Variants in NIPAL2 observed in about 807,000 individuals in gnomAD.
NIPAL2 encodes the protein NIPA like domain containing 2.
NIPAL2 carries 43 observed loss-of-function variants against 48.9 expected under a neutral mutation model. That is an observed-to-expected ratio of 0.88 (90% CI 0.69 to 1.13). NIPAL2 has a LOEUF of 1.13. Among genes scored for constraint, NIPAL2 ranks in the 50% most tolerant of loss-of-function variants. The pLI is 0.00. For synonymous variants in NIPAL2, 167 were observed against 174.6 expected, an observed-to-expected ratio of 0.96 and a Z score of 0.34; for missense variants, 446 against 461.4, an observed-to-expected ratio of 0.97 and a Z score of 0.31.
chr8:98,211,733 A>AGAGTGTGTGTGTGTGTGT (rs1554562908), intron 6 of NIPAL2, among the ~76,000 whole-genome samples: 1 of 109,104 alleles, frequency 9.2e-6, no homozygotes, highest in African/African-American at 3.9e-5. Flanking sequence ...AGAGAGAGAA[A>AGAGTGTGTGTGTGTGTGT]GTGTGTGTGT....
At chr8:98,291,594 T>G (rs1816491492) in intron 1 of NIPAL2, among the ~76,000 whole-genome samples, 1 of 152,264 alleles carries the variant, frequency 6.6e-6, no homozygotes, top group Non-Finnish European at 1.5e-5. Flanking sequence ...GTTTGGGTTT[T>G]GCACTATATT....
At position 98,206,316 on chromosome 8, in the gene NIPAL2, G is replaced by GTGTATATA. The variant is rs138475191; in HGVS notation, c.656-1071_656-1070insTATATACA. On this transcript the variant is annotated intron_variant, in intron 6 of 10. Coordinates refer to ENST00000430223, the MANE Select transcript of NIPAL2 (RefSeq NM_001321635.2). ...AGGTATTTTATGTATGTGTGTGTGT[G>GTGTATATA]TATATATATATATGTATGTATGTAT... is the stretch of plus-strand genomic sequence containing the variant. 1.5e-3 allele frequency among the ~76,000 whole-genome samples: 227 copies of GTGTATATA among 147,662 alleles called. 1 individual carries two copies. The highest frequency in any genetic ancestry group is 5.5e-3 in the African/African-American group (214 of 38,566).
chr8:98,291,343 C>G (rs1479251338), intron 1 of NIPAL2, among the ~76,000 whole-genome samples: 2 of 152,188 alleles, frequency 1.3e-5, no homozygotes, highest in Non-Finnish European at 2.9e-5. Context: ...AAGCTTTTTC[C>G]TTTCCTGCAG....
chr8:98,255,226 C>T (rs1257076239), intron 1 of NIPAL2, among the ~76,000 whole-genome samples: 1 of 152,170 alleles, frequency 6.6e-6, no homozygotes, highest in African/African-American at 2.4e-5. Context: ...TCATAGATAG[C>T]TCATGTATTA....
chr8:98,218,624 G>T (rs1319512918), intron 5 of NIPAL2, among the ~76,000 whole-genome samples: 1 of 152,188 alleles, frequency 6.6e-6, no homozygotes, highest in Non-Finnish European at 1.5e-5. Flanking sequence ...AATAGGCAGG[G>T]CACTATGACT....
At chr8:98,281,512 A>AT (rs1815829534) in intron 1 of NIPAL2, among the ~76,000 whole-genome samples, 1 of 152,222 alleles carries the variant, frequency 6.6e-6, no homozygotes, top group Non-Finnish European at 1.5e-5. Context: ...TTGTAACGCA[A>AT]TTATAAAAGC....
At chr8:98,244,591 T>TGGGCTGTGGTGATGAGAGGGG (rs1813198698) in intron 3 of NIPAL2, among the ~76,000 whole-genome samples, 1 of 28,558 alleles carries the variant, frequency 3.5e-5, no homozygotes. Flanking sequence ...GATGAGAGGG[T>TGGGCTGTGGTGATGAGAGGGG]GGGCTGTGGT....
rs1291380149 is a variant in NIPAL2 at position 98,193,115 on chromosome 8, A to G, written c.1040-25T>C. On this transcript the variant is annotated intron_variant, in intron 10 of 10. Transcript: ENST00000430223. ...CCTGTGGAGATAATAATCATAGAGAATCTTTTGAGGTCTTACAGAAAAATA... is the reference window on the plus strand; with the variant it reads ...CCTGTGGAGATAATAATCATAGAGAGTCTTTTGAGGTCTTACAGAAAAATA... The G allele has an allele frequency of 2.6e-6, 4 of 1,554,470 alleles. No individual in the cohort carries two copies. The African/African-American group carries it at 5.4e-5, about 21-fold the overall frequency.
intron 6 of NIPAL2, among the ~76,000 whole-genome samples, chr8:98,208,115 G>A (rs1811125630): frequency 6.6e-6 from 1 of 152,160 alleles, no homozygotes; most frequent in African/African-American, 2.4e-5. Flanking sequence ...ACACTCTGTT[G>A]TACAGTGCTC....
chr8:98,262,624 TA>T (rs1485962469), intron 1 of NIPAL2, among the ~76,000 whole-genome samples: 1 of 150,428 alleles, frequency 6.6e-6, no homozygotes, highest in African/African-American at 2.4e-5. Context: ...CCCAGATTCA[TA>T]AAGCAAGTCC....
intron 3 of NIPAL2, among the ~76,000 whole-genome samples, chr8:98,240,236 A>G (rs1250061450): frequency 6.6e-6 from 1 of 152,202 alleles, no homozygotes; most frequent in Admixed American, 6.5e-5. Context: ...AGACTCATGA[A>G]TGCTTTTCCC....
intron 5 of NIPAL2, among the ~76,000 whole-genome samples, chr8:98,213,614 T>G (rs930495856): frequency 9.9e-5 from 15 of 152,172 alleles, no homozygotes; most frequent in Admixed American, 9.2e-4. Flanking sequence ...ATTCTTTTTT[T>G]TTTTCCTAGT....
chr8:98,192,911 T>C lies in NIPAL2; in HGVS notation c.*67A>G. On this transcript the variant is annotated 3_prime_UTR_variant, in exon 11 of 11. Coordinates refer to ENST00000430223, the MANE Select transcript of NIPAL2 (RefSeq NM_001321635.2). ...CTTATAAAAGAGCTGCTGACACAAATTGAACATGTGCAATTTTTTAAAAAG... is the reference window on the plus strand; with the variant it reads ...CTTATAAAAGAGCTGCTGACACAAACTGAACATGTGCAATTTTTTAAAAAG... The C allele has an allele frequency of 1.0e-6, 1 of 957,662 alleles. No homozygotes were observed. The highest frequency in any genetic ancestry group is 2.1e-4 in the Middle Eastern group (1 of 4,814). 59.3% of individuals were successfully genotyped at this position (957,662 alleles called of 1,614,324 possible).
intron 1 of NIPAL2, among the ~76,000 whole-genome samples, chr8:98,254,396 A>G (rs1007032580): frequency 6.6e-6 from 1 of 152,182 alleles, no homozygotes; most frequent in African/African-American, 2.4e-5. Context: ...CTTCTTACGT[A>G]TCCTTTCTTT....
chr8:98,233,710 A>T (rs2130784602), intron 4 of NIPAL2, among the ~76,000 whole-genome samples: 1 of 152,382 alleles, frequency 6.6e-6, no homozygotes, highest in South Asian at 2.1e-4. Context: ...TAAGTATATA[A>T]GAAAATAAAC....
Position 98,252,525 on chromosome 8 carries a change from A to C in NIPAL2, c.314T>G (p.Phe105Cys). 1 of 1,614,016 alleles carries C rather than the reference A, an allele frequency of 6.2e-7. No individual in the cohort carries two copies. Among genetic ancestry groups the C allele is most frequent in the Non-Finnish European group, 8.5e-7 (1 of 1,179,994 alleles). ...AATGGGAGCAAATCCATAGGCTGCA[A>C]AGTTCCCCGTCTCTCCCACGGCCAT... ...LLMAVGETGNFAAYGFAPITL... is the reference protein window; with the variant it reads ...LLMAVGETGNCAAYGFAPITL... Residue 105 changes from phenylalanine to cysteine, a missense_variant, in exon 3 of 11, where the codon TTT (phenylalanine) becomes TGT (cysteine). Coordinates refer to ENST00000430223, the MANE Select transcript of NIPAL2 (RefSeq NM_001321635.2).
chr8:98,267,559 A>G (rs914120228), intron 1 of NIPAL2, among the ~76,000 whole-genome samples: 16 of 152,086 alleles, frequency 1.1e-4, no homozygotes, highest in African/African-American at 3.9e-4. Context: ...GGCTCCAGTG[A>G]TCTTCCTGCC....
In NIPAL2 at chr8:98,258,942, T is replaced by C. The variant is rs143598185; in HGVS notation, c.136-4855A>G. ...AGTTTTTCTTTTAACAGTCTGCGTA[T>C]TAAAAAAAATGGTGGCAGGATTTGG... On this transcript the variant is annotated intron_variant, in intron 1 of 10. Transcript: ENST00000430223. Among the ~76,000 whole-genome samples, 1,287 of 152,002 alleles carry C rather than the reference T, an allele frequency of 8.5e-3. 23 individuals are homozygous for C. Among genetic ancestry groups the C allele is most frequent in the African/African-American group, 0.028 (1,171 of 41,436 alleles).
intron 1 of NIPAL2, among the ~76,000 whole-genome samples, chr8:98,276,450 T>A (rs1815470268): frequency 6.6e-6 from 1 of 152,200 alleles, no homozygotes; most frequent in African/African-American, 2.4e-5. Flanking sequence ...TGTACCACAG[T>A]TTATCTATTC....
Sources: allele counts gnomAD v4.1 joint callset (sites outside exome capture counted in the v4.1 genomes callset), GRCh38; gene constraint gnomAD v4.1.1; transcripts MANE v1.5; gene names NCBI Gene and HGNC (gene_info 2026-07-23, HGNC 2026-07-21).